The following RALGAPA1 variants were observed in gnomAD, a reference collection of about 807,000 sequenced individuals.
RALGAPA1 encodes the protein Ral GTPase activating protein catalytic subunit alpha 1, also known as ral GTPase-activating protein subunit alpha-1.
Under a neutral mutation model 269.6 loss-of-function variants are expected in RALGAPA1, and 52 were observed. That is an observed-to-expected ratio of 0.19 (90% CI 0.15 to 0.24). The LOEUF (loss-of-function observed/expected upper bound fraction) is 0.24, where lower values mean the gene tolerates loss of function less well. Among genes scored for constraint, RALGAPA1 ranks in the 10% least tolerant of loss-of-function variants. The probability of loss-of-function intolerance (pLI) is 1.00; values close to 1 mark genes in which losing one functional copy is unlikely to be tolerated. For synonymous variants in RALGAPA1, 817 were observed against 1,008.3 expected (o/e 0.81, Z 3.60); for missense variants, 1,917 against 3,013.9 (o/e 0.64, Z 8.52).
chr14:35,714,937 G>T (rs556412741), intron 16 of RALGAPA1, among the ~76,000 whole-genome samples: 9 of 152,250 alleles, frequency 5.9e-5, no homozygotes, highest in African/African-American at 1.9e-4. Context: ...CATTGTCAGT[G>T]CTGAGAACAC....
chr14:35,769,246 A>G (rs1431164853), intron 4 of RALGAPA1, among the ~76,000 whole-genome samples: 1 of 151,854 alleles, frequency 6.6e-6, no homozygotes, highest in Non-Finnish European at 1.5e-5. Context: ...CAAGGATGAA[A>G]GCGGATATAG....
In RALGAPA1 at chr14:35,615,919, T is replaced by C. The variant is rs184947298; in HGVS notation, c.6929+9442A>G. Among the ~76,000 whole-genome samples, 3 of 152,136 alleles carry C rather than the reference T, an allele frequency of 2.0e-5. No individual in the cohort carries two copies. The East Asian group carries it at 5.8e-4, about 29-fold the overall frequency. On this transcript the variant is annotated intron_variant, in intron 35 of 41. Coordinates refer to ENST00000680220, the MANE Select transcript of RALGAPA1 (RefSeq NM_001346249.2). Reference sequence around the variant, plus strand: ...TCTCATTAACATCAAATTTTAACATTAGAAAGATTATGTTAGTGGTCAGGA... The same window carrying C: ...TCTCATTAACATCAAATTTTAACATCAGAAAGATTATGTTAGTGGTCAGGA...
At chr14:35,622,003 A>G (rs1026667816) in intron 35 of RALGAPA1, among the ~76,000 whole-genome samples, 1 of 152,162 alleles carries the variant, frequency 6.6e-6, no homozygotes, top group Admixed American at 6.6e-5. Context: ...ACCCAGCAAT[A>G]CCGTTACTGG....
At chr14:35,686,288 C>T (rs930411401) in intron 19 of RALGAPA1, among the ~76,000 whole-genome samples, 1 of 151,886 alleles carries the variant, frequency 6.6e-6, no homozygotes, top group Non-Finnish European at 1.5e-5. Flanking sequence ...GTTGCTTATA[C>T]CTGTGTATTT....
intron 33 of RALGAPA1, among the ~76,000 whole-genome samples, chr14:35,633,119 A>G (rs569136941): frequency 6.6e-6 from 1 of 152,276 alleles, no homozygotes; most frequent in South Asian, 2.1e-4. Context: ...GGCACAGTAA[A>G]TTTTGTACAA....
intron 31 of RALGAPA1, among the ~76,000 whole-genome samples, chr14:35,640,891 G>C (rs1488093707): frequency 6.6e-6 from 1 of 152,054 alleles, no homozygotes; most frequent in African/African-American, 2.4e-5. Context: ...ATGACCAAGG[G>C]AGATTTATCC....
At chr14:35,775,399 C>T (rs1282881867) in intron 2 of RALGAPA1, among the ~76,000 whole-genome samples, 1 of 152,100 alleles carries the variant, frequency 6.6e-6, no homozygotes, top group East Asian at 1.9e-4. Flanking sequence ...AACAAATCAA[C>T]CTGACCAGTG....
chr14:35,808,452 A>G (rs1158527390), intron 1 of RALGAPA1, among the ~76,000 whole-genome samples: 2 of 152,246 alleles, frequency 1.3e-5, no homozygotes, highest in African/African-American at 2.4e-5. Context: ...AGGTCTCCCC[A>G]CAAAGTCTTA....
intron 32 of RALGAPA1, 128 bp from the exon 33 acceptor site, chr14:35,634,885 G>A (rs1208704222): frequency 6.4e-6 from 6 of 941,748 alleles, no homozygotes; most frequent in Non-Finnish European, 8.9e-6. Context: ...TAAAACATCA[G>A]GCCTGGCACA....
At chr14:35,744,846 T>C (rs2071899208) in intron 10 of RALGAPA1, among the ~76,000 whole-genome samples, 1 of 152,110 alleles carries the variant, frequency 6.6e-6, no homozygotes, top group African/African-American at 2.4e-5. Context: ...TTTAAAACAT[T>C]AAAATAGTTA....
chr14:35,614,652 C>T (rs1594819189), intron 35 of RALGAPA1, among the ~76,000 whole-genome samples: 2 of 152,054 alleles, frequency 1.3e-5, no homozygotes, highest in African/African-American at 4.8e-5. Flanking sequence ...TTGTACAACC[C>T]TGTGAATATA....
chr14:35,595,861 T>A, intron 36 of RALGAPA1, 72 bp from the exon 37 acceptor site: 1 of 1,295,222 alleles, frequency 7.7e-7, no homozygotes, highest in Admixed American at 2.6e-5. Flanking sequence ...GACTCAAACT[T>A]CTTGCTTAAG....
At chr14:35,574,835 T>A (rs752585086) in intron 37 of RALGAPA1, among the ~76,000 whole-genome samples, 1 of 152,084 alleles carries the variant, frequency 6.6e-6, no homozygotes, top group African/African-American at 2.4e-5. Context: ...TACAAGATTG[T>A]GTCCTATGGA....
In RALGAPA1 at chr14:35,740,062, C is replaced by T. The variant is rs539541832; in HGVS notation, c.1450-1412G>A. 6.6e-5 allele frequency among the ~76,000 whole-genome samples: 10 copies of T among 152,218 alleles called. No homozygotes were observed. The East Asian group carries it at 1.5e-3, about 24-fold the overall frequency. On this transcript the variant is annotated intron_variant, in intron 11 of 41. Coordinates refer to ENST00000680220, the MANE Select transcript of RALGAPA1 (RefSeq NM_001346249.2). ...CATACATTTGCAGGTGCTATTCACA[C>T]GGTGTGTTACCTTTCCCATTTGTCT...
intron 39 of RALGAPA1, among the ~76,000 whole-genome samples, chr14:35,562,366 T>TG (rs1202204831): frequency 6.6e-6 from 1 of 152,146 alleles, no homozygotes; most frequent in Non-Finnish European, 1.5e-5. Context: ...GACACCAAGA[T>TG]GTGTCCTCCC....
At chr14:35,600,141 T>G (rs1011600716) in intron 36 of RALGAPA1, among the ~76,000 whole-genome samples, 1 of 151,600 alleles carries the variant, frequency 6.6e-6, no homozygotes, top group African/African-American at 2.4e-5. Context: ...TAGACTTTTT[T>G]TTTTTTTTGT....
At chr14:35,621,757 G>GA (rs1215054809) in intron 35 of RALGAPA1, among the ~76,000 whole-genome samples, 10 of 152,140 alleles carry the variant, frequency 6.6e-5, no homozygotes, top group Admixed American at 6.5e-5. Flanking sequence ...ACAGACACAT[G>GA]AAAAAATGCT....
At chr14:35,726,828 A>G (rs1448057761) in intron 13 of RALGAPA1, among the ~76,000 whole-genome samples, 2 of 152,206 alleles carry the variant, frequency 1.3e-5, no homozygotes. Flanking sequence ...ATTGGCTAAT[A>G]ATAACTTGGG....
intron 9 of RALGAPA1, among the ~76,000 whole-genome samples, chr14:35,749,829 T>C (rs2072500767): frequency 6.6e-6 from 1 of 152,074 alleles, no homozygotes; most frequent in South Asian, 2.1e-4. Flanking sequence ...ATTTAAGGTG[T>C]TATAGAAAAA....
Sources: allele counts gnomAD v4.1 joint callset (sites outside exome capture counted in the v4.1 genomes callset), GRCh38; gene constraint gnomAD v4.1.1; transcripts MANE v1.5; gene names NCBI Gene and HGNC (gene_info 2026-07-23, HGNC 2026-07-21).